The following GRID1 variants were observed in gnomAD, a reference collection of about 807,000 sequenced individuals.
GRID1 encodes the protein glutamate receptor ionotropic, delta-1.
A neutral mutation model predicts 98.0 loss-of-function variants in GRID1; 28 were observed. The ratio of observed to expected loss-of-function variants is 0.29; its 90% CI spans 0.21 to 0.39. GRID1 has a LOEUF of 0.39. Ranked by LOEUF, GRID1 falls within the 10% of genes least tolerant of loss-of-function variation. The probability of loss-of-function intolerance (pLI) is 1.00; values close to 1 mark genes in which losing one functional copy is unlikely to be tolerated. For missense variants in GRID1, 1,111 were observed against 1,340.5 expected (o/e 0.83, Z 2.67); for synonymous variants, 553 against 538.5 (o/e 1.03, Z -0.37).
At chr10:85,608,022 T>C (rs2132507958) in intron 15 of GRID1, among the ~76,000 whole-genome samples, 1 of 152,208 alleles carries the variant, frequency 6.6e-6, no homozygotes, top group South Asian at 2.1e-4. Context: ...CTAGCTTTTT[T>C]TGCCCAAGCT....
intron 3 of GRID1, among the ~76,000 whole-genome samples, chr10:86,144,305 C>T (rs1270477743): frequency 6.6e-6 from 1 of 152,074 alleles, no homozygotes. Context: ...AAGAACATTC[C>T]AGGAGAGGGG....
At chr10:86,340,169 G>A (rs1848289936) in intron 2 of GRID1, among the ~76,000 whole-genome samples, 1 of 152,234 alleles carries the variant, frequency 6.6e-6, no homozygotes, top group Admixed American at 6.5e-5. Flanking sequence ...GGAAAGCCCA[G>A]GAGTTGCTGA....
In GRID1 at chr10:85,802,838, AACACACACAC is replaced by A. The variant is rs59101010; in HGVS notation, c.1233+51648_1233+51657del. ...GAACTCCAAGCATCCAAGCAGAATA[AACACACACAC>A]ACACACACACACACACACACACACA... On this transcript the variant is annotated intron_variant, in intron 8 of 15. Transcript: ENST00000327946. Among the ~76,000 whole-genome samples, 1,171 of 120,960 alleles carry A rather than the reference AACACACACAC, an allele frequency of 9.7e-3. 20 individuals are homozygous for A. The highest frequency in any genetic ancestry group is 0.068 in the East Asian group (281 of 4,114). 79.4% of individuals were successfully genotyped at this position (120,960 alleles called of 152,430 possible).
At chr10:86,070,371 C>T (rs1173474736) in intron 4 of GRID1, among the ~76,000 whole-genome samples, 1 of 152,162 alleles carries the variant, frequency 6.6e-6, no homozygotes, top group Non-Finnish European at 1.5e-5. Context: ...CCCATCTCTA[C>T]CAGAGAGTGT....
intron 2 of GRID1, among the ~76,000 whole-genome samples, chr10:86,320,795 T>C (rs1564738065): frequency 6.6e-6 from 1 of 152,164 alleles, no homozygotes; most frequent in Non-Finnish European, 1.5e-5. Context: ...TTATTATTAT[T>C]ATTATAGTAA....
At chr10:85,900,461 C>T (rs1841365543) in intron 5 of GRID1, among the ~76,000 whole-genome samples, 1 of 152,204 alleles carries the variant, frequency 6.6e-6, no homozygotes, top group African/African-American at 2.4e-5. Context: ...AATACATTTG[C>T]TGCATATGGT....
At chr10:86,089,587 A>C (rs1451535721) in intron 4 of GRID1, among the ~76,000 whole-genome samples, 2 of 152,228 alleles carry the variant, frequency 1.3e-5, no homozygotes, top group African/African-American at 4.8e-5. Flanking sequence ...AATAGATTCC[A>C]GCGCTGAGAT....
At position 86,138,911 on chromosome 10, in the gene GRID1, T is replaced by G. The variant is rs748501714; in HGVS notation, c.634A>C (p.Met212Leu). ...TAGCGATTCAGCTCCTCTGTCTTCA[T>G]CGTGGTGAAGAGGCTGGTGAATACG... is the stretch of plus-strand genomic sequence containing the variant. ...SHVFTSLFTTMKTEELNRYRD... is the reference protein window; with the variant it reads ...SHVFTSLFTTLKTEELNRYRD... Residue 212 changes from methionine (M) to leucine (L), a missense_variant, in exon 4 of 16, where the codon ATG becomes CTG. Around this residue, in one of 3 missense-constraint regions of GRID1, gnomAD observed 346 missense variants for 452.3 expected, o/e 0.76. Coordinates refer to ENST00000327946, the MANE Select transcript of GRID1 (RefSeq NM_017551.3). The G allele has an allele frequency of 1.2e-6, 2 of 1,613,098 alleles. No homozygotes were observed. Among genetic ancestry groups the G allele is most frequent in the African/African-American group, 1.3e-5 (1 of 74,914 alleles).
At chr10:85,818,333 G>T (rs1049847411) in intron 8 of GRID1, among the ~76,000 whole-genome samples, 12 of 148,562 alleles carry the variant, frequency 8.1e-5, no homozygotes, top group Middle Eastern at 3.5e-3. Context: ...CACACACATG[G>T]ATGGATGAAT....
At chr10:86,276,868 A>G (rs904852904) in intron 2 of GRID1, among the ~76,000 whole-genome samples, 6 of 151,886 alleles carry the variant, frequency 4.0e-5, no homozygotes, top group African/African-American at 9.7e-5. Flanking sequence ...AAGTGCTGGA[A>G]AAAAAAAACT....
chr10:85,654,206 C>T (rs985607852), intron 12 of GRID1, among the ~76,000 whole-genome samples: 1 of 152,178 alleles, frequency 6.6e-6, no homozygotes, highest in African/African-American at 2.4e-5. Flanking sequence ...CCTCACCTTC[C>T]TTCCCTCCAT....
chr10:86,249,582 C>T (rs1395381383), intron 2 of GRID1, among the ~76,000 whole-genome samples: 1 of 152,176 alleles, frequency 6.6e-6, no homozygotes, highest in African/African-American at 2.4e-5. Flanking sequence ...GTCTTCCACA[C>T]ACCCCGACTC....
chr10:85,743,405 C>T (rs1314573149), intron 8 of GRID1, among the ~76,000 whole-genome samples: 3 of 152,096 alleles, frequency 2.0e-5, no homozygotes, highest in African/African-American at 4.8e-5. Flanking sequence ...ATCCATTAGA[C>T]ATTTATAAAT....
intron 15 of GRID1, among the ~76,000 whole-genome samples, chr10:85,612,391 A>G (rs185438364): frequency 6.6e-6 from 1 of 152,152 alleles, no homozygotes; most frequent in East Asian, 1.9e-4. Context: ...TGGACCTTCT[A>G]CCTCTGAAAC....
intron 2 of GRID1, among the ~76,000 whole-genome samples, chr10:86,259,503 T>TATAA (rs1564721780): frequency 6.6e-6 from 1 of 151,692 alleles, no homozygotes; most frequent in Non-Finnish European, 1.5e-5. Context: ...CATACGAGGT[T>TATAA]GTATATTAAT....
At chr10:86,138,061 G>T (rs901437979) in intron 4 of GRID1, among the ~76,000 whole-genome samples, 1 of 151,986 alleles carries the variant, frequency 6.6e-6, no homozygotes, top group Non-Finnish European at 1.5e-5. Flanking sequence ...CTGCTCCCAG[G>T]CATACCACAT....
At chr10:85,725,100 C>T (rs952934856) in intron 10 of GRID1, among the ~76,000 whole-genome samples, 2 of 152,092 alleles carry the variant, frequency 1.3e-5, no homozygotes, top group African/African-American at 4.8e-5. Context: ...ACCAGAGGCA[C>T]ACTCCATTTC....
intron 2 of GRID1, among the ~76,000 whole-genome samples, chr10:86,232,517 C>A (rs1341772043): frequency 6.6e-6 from 1 of 152,180 alleles, no homozygotes; most frequent in Non-Finnish European, 1.5e-5. Context: ...CCTGAACCTA[C>A]CCCCACCACC....
chr10:86,085,768 G>A (rs546825260), intron 4 of GRID1, among the ~76,000 whole-genome samples: 6 of 152,152 alleles, frequency 3.9e-5, no homozygotes, highest in South Asian at 2.1e-4. Context: ...ACATCAGTCC[G>A]AAGGTCCCTG....
Sources: allele counts gnomAD v4.1 joint callset (sites outside exome capture counted in the v4.1 genomes callset), GRCh38; gene constraint gnomAD v4.1.1; regional missense constraint gnomAD v4.1.1; transcripts MANE v1.5; gene names NCBI Gene and HGNC (gene_info 2026-07-23, HGNC 2026-07-21).